Variants in STPG2 observed in about 807,000 individuals in gnomAD.
STPG2 encodes the protein sperm-tail PG-rich repeat-containing protein 2.
STPG2 carries 56 observed loss-of-function variants against 54.2 expected under a neutral mutation model. That is an observed-to-expected ratio of 1.03 (90% confidence interval 0.83 to 1.29). STPG2 has a LOEUF of 1.29. STPG2 is among the 50% of genes most tolerant of loss of function. STPG2 has a pLI of 0.00. For synonymous variants in STPG2, 200 were observed against 181.8 expected (o/e 1.10, Z -0.81); for missense variants, 596 against 544.9 (o/e 1.09, Z -0.93).
chr4:97,893,724 CA>C (rs1730853689), intron 8 of STPG2, among the ~76,000 whole-genome samples: 1 of 151,840 alleles, frequency 6.6e-6, no homozygotes. Context: ...TTTCATCGGC[CA>C]AAACTTAGTC....
At position 98,037,086 on chromosome 4, in the gene STPG2, T is replaced by C. The variant is rs576538570; in HGVS notation, c.613-55768A>G. Among the ~76,000 whole-genome samples the C allele has an allele frequency of 2.0e-5, 3 of 152,112 alleles. No homozygotes were observed. In the East Asian group the frequency reaches 5.8e-4, roughly 29 times the overall value. On this transcript the variant is annotated intron_variant, in intron 5 of 10. Transcript: ENST00000295268. ...AGAAGAAACACCCAGGCCCAGGTAG[T>C]TTTATAAACAATTTCTAATAATTCT...
intron 9 of STPG2, among the ~76,000 whole-genome samples, chr4:97,832,974 T>TACCATTG (rs546993611): frequency 7.3e-4 from 111 of 152,178 alleles, no homozygotes; most frequent in Non-Finnish European, 1.3e-3. Context: ...CCCATTAAGC[T>TACCATTG]ACCATTGACT....
chr4:97,898,827 T>C (rs879333797), intron 8 of STPG2, among the ~76,000 whole-genome samples: 1 of 151,732 alleles, frequency 6.6e-6, no homozygotes, highest in Non-Finnish European at 1.5e-5. Context: ...TTCGTATCTT[T>C]TATAATTAAA....
At chr4:97,938,259 G>T (rs532213013) in intron 8 of STPG2, among the ~76,000 whole-genome samples, 2 of 152,218 alleles carry the variant, frequency 1.3e-5, no homozygotes, top group African/African-American at 4.8e-5. Context: ...AAAAACAGCT[G>T]CCTGGAGCTA....
At chr4:97,507,692 C>T (rs1272621970) in intron 4 of STPG2, among the ~76,000 whole-genome samples, 5 of 151,926 alleles carry the variant, frequency 3.3e-5, no homozygotes, top group Non-Finnish European at 1.5e-5. Context: ...GCTAGAAAGA[C>T]TCATAGTACT....
chr4:97,588,569 T>C (rs1304216944), intron 10 of STPG2, among the ~76,000 whole-genome samples: 1 of 152,006 alleles, frequency 6.6e-6, no homozygotes, highest in Non-Finnish European at 1.5e-5. Context: ...ATTTAAAAAC[T>C]CTGATGCTAT....
At chr4:97,740,976 A>G (rs1488393796) in intron 9 of STPG2, among the ~76,000 whole-genome samples, 2 of 152,210 alleles carry the variant, frequency 1.3e-5, no homozygotes, top group African/African-American at 4.8e-5. Context: ...CTACAAGACT[A>G]CAGTAACCAA....
intron 5 of STPG2, among the ~76,000 whole-genome samples, chr4:98,099,172 C>T (rs1419686603): frequency 6.6e-6 from 1 of 152,134 alleles, no homozygotes; most frequent in African/African-American, 2.4e-5. Flanking sequence ...CCCATGTTTA[C>T]AGCAGCACTC....
chr4:97,547,421 AG>A (rs1429033742), intron 4 of STPG2, among the ~76,000 whole-genome samples: 2 of 152,162 alleles, frequency 1.3e-5, no homozygotes, highest in Non-Finnish European at 2.9e-5. Flanking sequence ...CGTGTTAGCC[AG>A]GATGGTCTCA....
chr4:98,132,920 T>C (rs1247114944), intron 2 of STPG2, among the ~76,000 whole-genome samples: 2 of 137,016 alleles, frequency 1.5e-5, no homozygotes, highest in Admixed American at 7.5e-5. Context: ...TAAAGGCCCT[T>C]AGAAAAATTT....
At chr4:97,816,120 A>C (rs1490722430) in intron 9 of STPG2, among the ~76,000 whole-genome samples, 1 of 152,132 alleles carries the variant, frequency 6.6e-6, no homozygotes, top group Non-Finnish European at 1.5e-5. Context: ...TATGAGTGAC[A>C]ACATGCAGTG....
chr4:97,531,686 G>A (rs912163362), intron 4 of STPG2, among the ~76,000 whole-genome samples: 3 of 152,194 alleles, frequency 2.0e-5, no homozygotes, highest in Non-Finnish European at 2.9e-5. Flanking sequence ...GAGAAAGAGA[G>A]TAGAGGTATA....
chr4:97,731,935 T>C (rs1046874113), intron 9 of STPG2, among the ~76,000 whole-genome samples: 7 of 152,154 alleles, frequency 4.6e-5, no homozygotes, highest in Non-Finnish European at 1.0e-4. Flanking sequence ...GCCAAAATGC[T>C]CCCATGCCTC....
chr4:97,652,406 T>C (rs1033524975), intron 10 of STPG2, among the ~76,000 whole-genome samples: 7 of 151,852 alleles, frequency 4.6e-5, no homozygotes, highest in Admixed American at 3.3e-4. Context: ...TCTCTGACCA[T>C]TGAGTGCTCT....
chr4:97,959,221 A>G (rs1365228156), intron 7 of STPG2, among the ~76,000 whole-genome samples: 1 of 152,088 alleles, frequency 6.6e-6, no homozygotes, highest in East Asian at 1.9e-4. Flanking sequence ...CAGCAAAGGT[A>G]GTGCTAAGAG....
chr4:97,904,143 G>A (rs1731298876), intron 8 of STPG2, among the ~76,000 whole-genome samples: 1 of 152,228 alleles, frequency 6.6e-6, no homozygotes, highest in Non-Finnish European at 1.5e-5. Context: ...CACCTCTGGG[G>A]GCAGGGCACA....
intron 6 of STPG2, among the ~76,000 whole-genome samples, chr4:97,973,088 T>C (rs999000147): frequency 1.3e-5 from 2 of 152,170 alleles, no homozygotes; most frequent in Non-Finnish European, 2.9e-5. Context: ...TGGAACAGTT[T>C]AGAAGGCTCA....
At chr4:97,749,616 T>C (rs1366546141) in intron 9 of STPG2, among the ~76,000 whole-genome samples, 1 of 151,730 alleles carries the variant, frequency 6.6e-6, no homozygotes, top group Non-Finnish European at 1.5e-5. Flanking sequence ...AGATCTCAGT[T>C]GACCCGGAAC....
chr4:98,121,671 A>C (rs1347153029), intron 3 of STPG2, among the ~76,000 whole-genome samples: 1 of 151,900 alleles, frequency 6.6e-6, no homozygotes, highest in Non-Finnish European at 1.5e-5. Flanking sequence ...GAGTTCATTT[A>C]TGATTTAGCT....
Sources: allele counts gnomAD v4.1 joint callset (sites outside exome capture counted in the v4.1 genomes callset), GRCh38; gene constraint gnomAD v4.1.1; transcripts MANE v1.5; gene names NCBI Gene and HGNC (gene_info 2026-07-23, HGNC 2026-07-21).